The following MGST3 variants were observed in gnomAD, a reference collection of about 807,000 sequenced individuals.
MGST3 encodes the protein glutathione S-transferase 3, mitochondrial.
A neutral mutation model predicts 15.8 loss-of-function variants in MGST3; 13 were observed. The ratio of observed to expected loss-of-function variants is 0.82; its 90% CI spans 0.54 to 1.31. MGST3 has a LOEUF of 1.31. Ranked by LOEUF, MGST3 falls within the 50% of genes most tolerant of loss-of-function variation. The probability of loss-of-function intolerance (pLI) is 0.00; values close to 1 mark genes in which losing one functional copy is unlikely to be tolerated. For missense variants in MGST3, 155 were observed against 192.4 expected (o/e 0.81, Z 1.15); for synonymous variants, 49 against 68.1 (o/e 0.72, Z 1.38).
intron 3 of MGST3, chr1:165,651,370 T>G (rs1648549842): frequency 2.1e-6 from 1 of 481,080 alleles, no homozygotes; most frequent in Admixed American, 3.3e-5. Context: ...AAACCGATGT[T>G]GACTCTCCCA....
At chr1:165,638,693 G>C (rs1256957169) in intron 1 of MGST3, among the ~76,000 whole-genome samples, 1 of 151,140 alleles carries the variant, frequency 6.6e-6, no homozygotes, top group Non-Finnish European at 1.5e-5. Context: ...TGAGGCAGGA[G>C]AATCACTTGA....
At chr1:165,633,087 T>G (rs933444556) in intron 1 of MGST3, among the ~76,000 whole-genome samples, 1 of 152,244 alleles carries the variant, frequency 6.6e-6, no homozygotes, top group Non-Finnish European at 1.5e-5. Flanking sequence ...TTTCGAAGAA[T>G]ATACTGCTAC....
At chr1:165,654,098 T>C (rs1367455996) in intron 4 of MGST3, 181 bp from the exon 5 acceptor site, 1 of 630,882 alleles carries the variant, frequency 1.6e-6, no homozygotes, top group Non-Finnish European at 2.9e-6. Context: ...CATAGAAGAA[T>C]CACAGATATT....
In MGST3 at chr1:165,644,053, T is replaced by TA. The variant is rs61624530; in HGVS notation, c.-7-5770dup. 6.0e-3 allele frequency among the ~76,000 whole-genome samples: 823 copies of TA among 136,646 alleles called. 6 individuals are homozygous for TA. The highest frequency in any genetic ancestry group is 0.014 in the African/African-American group (522 of 36,610). 89.6% of individuals were successfully genotyped at this position (136,646 alleles called of 152,430 possible). A position where few individuals can be genotyped will look rare whatever the true frequency, so the allele number is the denominator to read the frequency against. On this transcript the variant is annotated intron_variant, in intron 1 of 5. Coordinates refer to ENST00000367889, the MANE Select transcript of MGST3 (RefSeq NM_004528.4). Reference sequence around the variant, plus strand: ...AGCCTTGGCAACAGAGACCCTGTGTTAAAAAAAAAAAAAAAAAATTACCTA... The same window carrying TA: ...AGCCTTGGCAACAGAGACCCTGTGTTAAAAAAAAAAAAAAAAAAATTACCTA...
At chr1:165,633,353 T>C (rs997734652) in intron 1 of MGST3, among the ~76,000 whole-genome samples, 6 of 152,272 alleles carry the variant, frequency 3.9e-5, no homozygotes, top group African/African-American at 1.4e-4. Flanking sequence ...ATCATAGATC[T>C]TGCTGTTACC....
At chr1:165,650,060 A>C in intron 2 of MGST3, 96 bp downstream of exon 2, 2 of 1,575,542 alleles carry the variant, frequency 1.3e-6, no homozygotes. Flanking sequence ...AGAGGCAAGG[A>C]GCTAGTTGTG....
Position 165,655,596 on chromosome 1 carries a change from C to A in MGST3, c.*92C>A. The A allele has an allele frequency of 1.3e-6, 2 of 1,485,512 alleles. No homozygotes were observed. Among genetic ancestry groups the A allele is most frequent in the Non-Finnish European group, 1.8e-6 (2 of 1,085,606 alleles). The allele number at this position is 1,485,512 out of a possible 1,614,324, so 92.0% of individuals were successfully genotyped here. On this transcript the variant is annotated 3_prime_UTR_variant, in exon 6 of 6. Coordinates refer to ENST00000367889, the MANE Select transcript of MGST3 (RefSeq NM_004528.4). ...TTTTTCTAAATATAATAAAAACTTA[C>A]CTGGCATCAGCCTCATACCTAAAAC... is the stretch of plus-strand genomic sequence containing the variant.
chr1:165,635,663 A>G (rs1258978323), intron 1 of MGST3: 1 of 152,248 alleles, frequency 6.6e-6, no homozygotes, highest in African/African-American at 2.4e-5. Context: ...TTATATGGCC[A>G]AACTATGGCT....
At chr1:165,643,330 T>G (rs1357789188) in intron 1 of MGST3, among the ~76,000 whole-genome samples, 1 of 152,146 alleles carries the variant, frequency 6.6e-6, no homozygotes, top group Non-Finnish European at 1.5e-5. Context: ...ATTGCTGAAG[T>G]AAATATCTTT....
intron 3 of MGST3, 138 bp downstream of exon 3, chr1:165,651,225 A>G (rs756271556): frequency 1.9e-4 from 144 of 755,996 alleles, no homozygotes; most frequent in Non-Finnish European, 3.1e-4. Context: ...AAAGTATTCA[A>G]AAATTATGTA....
At chr1:165,637,386 CT>C (rs1648141098) in intron 1 of MGST3, among the ~76,000 whole-genome samples, 4 of 152,210 alleles carry the variant, frequency 2.6e-5, no homozygotes, top group Non-Finnish European at 5.9e-5. Flanking sequence ...GGTAGTGTCA[CT>C]TCATGGCTCA....
At chr1:165,632,050 T>G (rs1259412378) in intron 1 of MGST3, 1 of 578,028 alleles carries the variant, frequency 1.7e-6, no homozygotes, top group Admixed American at 2.9e-5. Flanking sequence ...CGCTGGAGAC[T>G]CCTTAGTGAG....
chr1:165,649,550 G>C, intron 1 of MGST3: 2 of 370,540 alleles, frequency 5.4e-6, no homozygotes, highest in Non-Finnish European at 5.0e-6. Context: ...GACTACTGCA[G>C]TGGTGTAGAT....
Position 165,649,821 on chromosome 1 carries a change from A to G in MGST3, c.-7-20A>G. On this transcript the variant is annotated intron_variant, in intron 1 of 5. Coordinates refer to ENST00000367889, the MANE Select transcript of MGST3 (RefSeq NM_004528.4). ...AGCCACAGTGCTGGGGGCCGTCCCA[A>G]CGTGTTCTTTCTTCCACAGACGCAA... is the stretch of plus-strand genomic sequence containing the variant. The G allele has an allele frequency of 6.2e-7, 1 of 1,613,720 alleles. No individual in the cohort carries two copies. Among genetic ancestry groups the G allele is most frequent in the Non-Finnish European group, 8.5e-7 (1 of 1,179,972 alleles).
chr1:165,651,304 C>A, intron 3 of MGST3: 1 of 587,168 alleles, frequency 1.7e-6, no homozygotes, highest in Non-Finnish European at 3.1e-6. Flanking sequence ...ATATTCTTTT[C>A]AAAAAATGTC....
chr1:165,641,684 T>G (rs1648269835), intron 1 of MGST3, among the ~76,000 whole-genome samples: 1 of 152,234 alleles, frequency 6.6e-6, no homozygotes, highest in South Asian at 2.1e-4. Context: ...GGTAGTATTT[T>G]CCCTGTTTTG....
intron 1 of MGST3, among the ~76,000 whole-genome samples, chr1:165,642,218 G>A (rs9333433): frequency 2.0e-5 from 3 of 152,140 alleles, no homozygotes; most frequent in East Asian, 3.9e-4. Context: ...TTCCCTGTTC[G>A]TCTCCAGCAC....
intron 1 of MGST3, among the ~76,000 whole-genome samples, chr1:165,638,003 C>A (rs1326201899): frequency 1.3e-5 from 2 of 152,174 alleles, no homozygotes; most frequent in Non-Finnish European, 2.9e-5. Context: ...TAATCTACCC[C>A]TGAAAACCTA....
intron 1 of MGST3, among the ~76,000 whole-genome samples, chr1:165,641,482 A>G (rs577799486): frequency 6.6e-6 from 1 of 152,230 alleles, no homozygotes; most frequent in Non-Finnish European, 1.5e-5. Flanking sequence ...AATCAGAACT[A>G]TTGTGTAAGA....
Sources: gnomAD v4.1 joint callset for allele counts (sites outside exome capture counted in the v4.1 genomes callset) on GRCh38, gnomAD v4.1.1 for gene constraint, MANE v1.5 for transcripts, NCBI Gene and HGNC (gene_info 2026-07-23, HGNC 2026-07-21) for gene names.